TOGARAM1: variants seen among roughly 807,000 people sequenced by gnomAD.
The protein encoded by TOGARAM1 is TOG array regulator of axonemal microtubules 1, also known as TOG array regulator of axonemal microtubules protein 1.
In TOGARAM1, 100 loss-of-function variants were observed where a neutral mutation model predicts 166.6. The ratio of observed to expected loss-of-function variants is 0.60; its 90% CI spans 0.51 to 0.71. The LOEUF is 0.71. Among genes scored for constraint, TOGARAM1 ranks in the 30% least tolerant of loss-of-function variants. The pLI is 0.00. For synonymous variants in TOGARAM1, 758 were observed against 763.8 expected, an observed-to-expected ratio of 0.99 and a Z score of 0.13; for missense variants, 2,029 against 2,102.7, an observed-to-expected ratio of 0.96 and a Z score of 0.69.
At chr14:45,005,309 A>G (rs1232388049) in intron 4 of TOGARAM1, among the ~76,000 whole-genome samples, 1 of 152,192 alleles carries the variant, frequency 6.6e-6, no homozygotes, top group Non-Finnish European at 1.5e-5. Context: ...AAGTTCATTC[A>G]GGACAAATTC....
Position 45,071,545 on chromosome 14 carries a change from A to G in TOGARAM1, c.4970-167A>G, listed in dbSNP as rs75130558. 2.2e-3 allele frequency among the ~76,000 whole-genome samples: 332 copies of G among 152,286 alleles called. 3 individuals carry two copies. Among genetic ancestry groups the G allele is most frequent in the African/African-American group, 7.3e-3 (302 of 41,570 alleles). On this transcript the variant is annotated intron_variant, in intron 18 of 19. Coordinates refer to ENST00000361462, the MANE Select transcript of TOGARAM1 (RefSeq NM_001308120.2). ...GCTGGAATTACAGGTGCTAGCCACCATGCAAGGTTTTATAGAAAATTTTAA... is the reference window on the plus strand; with the variant it reads ...GCTGGAATTACAGGTGCTAGCCACCGTGCAAGGTTTTATAGAAAATTTTAA...
In TOGARAM1 at chr14:45,068,578, A is replaced by T; in HGVS notation, c.4904A>T (p.Asn1635Ile). The change falls in exon 18 of 20, where the codon AAT becomes ATT. Residue 1635 changes from asparagine to isoleucine, a missense_variant. Asn to Ile is a moderately radical substitution (Grantham distance 149). Around this residue, in one of 2 missense-constraint regions of TOGARAM1, gnomAD observed 576 missense variants for 670.5 expected, o/e 0.86. Coordinates refer to ENST00000361462, the MANE Select transcript of TOGARAM1 (RefSeq NM_001308120.2). ...LIPAIVDNNL[N>I]SKNPGIYAAA... ...CCAGCAATAGTGGATAACAATCTGA[A>T]TTCCAAGAATCCAGGCATCTATGCG... 6.2e-7 allele frequency: 1 copy of T among 1,613,360 alleles called. No individual in the cohort carries two copies. The highest frequency in any genetic ancestry group is 8.5e-7 in the Non-Finnish European group (1 of 1,179,664).
chr14:45,063,744 C>T (rs1883012795), intron 16 of TOGARAM1, among the ~76,000 whole-genome samples: 1 of 152,126 alleles, frequency 6.6e-6, no homozygotes, highest in South Asian at 2.1e-4. Context: ...TCCCAAAGTG[C>T]TGGGATTACA....
intron 11 of TOGARAM1, among the ~76,000 whole-genome samples, chr14:45,039,812 G>A (rs1189934315): frequency 2.0e-5 from 3 of 152,148 alleles, no homozygotes; most frequent in African/African-American, 7.2e-5. Context: ...CACCCAGGAG[G>A]TCAGGGCTCC....
At chr14:45,054,060 A>G (rs1197321641) in intron 15 of TOGARAM1, among the ~76,000 whole-genome samples, 1 of 151,944 alleles carries the variant, frequency 6.6e-6, no homozygotes, top group Non-Finnish European at 1.5e-5. Context: ...TAGTTGAGAC[A>G]GGGTTTCCCC....
Position 45,012,058 on chromosome 14 carries a change from A to G in TOGARAM1, c.3221A>G (p.Glu1074Gly), listed in dbSNP as rs1486092563. 5 of 1,607,500 alleles carry G rather than the reference A, an allele frequency of 3.1e-6. No individual in the cohort carries two copies. The highest frequency in any genetic ancestry group is 4.2e-6 in the Non-Finnish European group (5 of 1,176,834). ...AAGAAAAAAATTTCTCATATTGCTG[A>G]ACAAAGCCCCAGTGCAGGTATTCTA... ...SAKKKISHIAEQSPSAGSSSN... is the reference protein window; with the variant it reads ...SAKKKISHIAGQSPSAGSSSN... The change falls in exon 7 of 20, where the codon GAA becomes GGA. Residue 1074 changes from glutamate (E) to glycine (G), a missense_variant. By Grantham distance (98) the Glu-to-Gly change is moderately conservative. Coordinates refer to ENST00000361462, the MANE Select transcript of TOGARAM1 (RefSeq NM_001308120.2).
At chr14:44,987,104 G>A (rs544699864) in intron 1 of TOGARAM1, among the ~76,000 whole-genome samples, 16 of 151,618 alleles carry the variant, frequency 1.1e-4, no homozygotes, top group Non-Finnish European at 1.3e-4. Flanking sequence ...CACCACACCC[G>A]GCTAATTTTT....
At chr14:45,043,121 T>C (rs1457273714) in intron 11 of TOGARAM1, among the ~76,000 whole-genome samples, 3 of 152,190 alleles carry the variant, frequency 2.0e-5, no homozygotes, top group African/African-American at 7.2e-5. Context: ...ACCTAGATCT[T>C]ATGGATAACT....
At position 45,045,541 on chromosome 14, in the gene TOGARAM1, GTGTA is replaced by G. The variant is rs1409523897; in HGVS notation, c.4154+673_4154+676del. Reference sequence around the variant, plus strand: ...CAGAGTAGTATTCCATGGTCTGTGTGTGTATATATATATATATATATATATATAT... The same window carrying G: ...CAGAGTAGTATTCCATGGTCTGTGTGTATATATATATATATATATATATAT... On this transcript the variant is annotated intron_variant, in intron 13 of 19. Transcript: ENST00000361462. Among the ~76,000 whole-genome samples the G allele has an allele frequency of 8.9e-3, 450 of 50,302 alleles. 31 individuals carry two copies. The highest frequency in any genetic ancestry group is 0.052 in the Middle Eastern group (3 of 58). 33.0% of individuals were successfully genotyped at this position (50,302 alleles called of 152,430 possible). A position where few individuals can be genotyped will look rare whatever the true frequency, so the allele number is the denominator to read the frequency against.
intron 7 of TOGARAM1, 22 bp from the exon 8 acceptor site, chr14:45,025,761 T>C (rs757477936): frequency 7.0e-7 from 1 of 1,432,580 alleles, no homozygotes; most frequent in Non-Finnish European, 9.8e-7. Context: ...AGTATTTGTT[T>C]TGTTTTTTGG....
intron 1 of TOGARAM1, among the ~76,000 whole-genome samples, chr14:44,973,415 G>A (rs1437747723): frequency 1.3e-5 from 2 of 151,610 alleles, no homozygotes; most frequent in Non-Finnish European, 2.9e-5. Flanking sequence ...GTTTAATGCT[G>A]TCATTCATTT....
At chr14:44,996,341 G>C (rs1887411637) in intron 2 of TOGARAM1, 1 of 152,320 alleles carries the variant, frequency 6.6e-6, no homozygotes, top group African/African-American at 2.4e-5. Flanking sequence ...CAGGAGAAGA[G>C]AATAAATAGT....
intron 11 of TOGARAM1, among the ~76,000 whole-genome samples, chr14:45,037,331 G>A (rs538896060): frequency 1.3e-5 from 2 of 152,182 alleles, no homozygotes; most frequent in East Asian, 3.8e-4. Flanking sequence ...GAAGTCAACT[G>A]ATTAGGGACC....
At chr14:45,032,434 TTTAA>T in intron 11 of TOGARAM1, 58 bp downstream of exon 11, 1 of 1,454,112 alleles carries the variant, frequency 6.9e-7, no homozygotes, top group Non-Finnish European at 9.3e-7. Flanking sequence ...TCTGTAAATA[TTTAA>T]TTAAAAATCT....
chr14:45,018,396 C>T (rs886353821), intron 7 of TOGARAM1, among the ~76,000 whole-genome samples: 5 of 152,186 alleles, frequency 3.3e-5, no homozygotes, highest in East Asian at 1.9e-4. Flanking sequence ...CATGCCACCA[C>T]GCCTGGGTAA....
In TOGARAM1 at chr14:44,999,475, A is replaced by C. The variant is rs372522302; in HGVS notation, c.2316A>C (p.Thr772=). ...SVGSDLQFLG[T]TSSHQEKVYA... ...GTTCTGACTTACAATTCCTAGGGAC[A>C]ACTAGCAGTCATCAAGAAAAAGGTA... Residue 772 remains threonine, a synonymous_variant, in exon 3 of 20, where the codon ACA becomes ACC. Coordinates refer to ENST00000361462, the MANE Select transcript of TOGARAM1 (RefSeq NM_001308120.2). The C allele has an allele frequency of 1.2e-4, 187 of 1,607,044 alleles. No individual in the cohort carries two copies. The highest frequency in any genetic ancestry group is 1.5e-4 in the Non-Finnish European group (178 of 1,176,192).
chr14:44,964,511 A>G, intron 1 of TOGARAM1, 44 bp downstream of exon 1: 1 of 1,509,336 alleles, frequency 6.6e-7, no homozygotes. Context: ...TGAAGAATTT[A>G]AATGAAAATA....
intron 1 of TOGARAM1, among the ~76,000 whole-genome samples, chr14:44,988,460 C>G (rs1886967949): frequency 6.6e-6 from 1 of 152,070 alleles, no homozygotes; most frequent in South Asian, 2.1e-4. Flanking sequence ...AAATTTTTCT[C>G]TTTTTTATAA....
chr14:44,980,048 A>AGCT (rs2081918348), intron 1 of TOGARAM1, among the ~76,000 whole-genome samples: 2 of 152,224 alleles, frequency 1.3e-5, no homozygotes, highest in Admixed American at 1.3e-4. Context: ...TAGTAGCTGA[A>AGCT]GCTGGCCTCC....
Sources: gnomAD v4.1 joint callset for allele counts (sites outside exome capture counted in the v4.1 genomes callset) on GRCh38, gnomAD v4.1.1 for gene constraint, gnomAD v4.1.1 regional missense constraint, MANE v1.5 for transcripts, NCBI Gene and HGNC (gene_info 2026-07-23, HGNC 2026-07-21) for gene names.